EPS15: variants seen among roughly 807,000 people sequenced by gnomAD.
The protein encoded by EPS15 is epidermal growth factor receptor substrate 15.
A neutral mutation model predicts 113.8 loss-of-function variants in EPS15; 72 were observed. The ratio of observed to expected loss-of-function variants is 0.63; its 90% confidence interval spans 0.52 to 0.77. The LOEUF is 0.77. EPS15 is among the 30% of genes least tolerant of loss of function. EPS15 has a pLI of 0.00. For missense variants in EPS15, 1,048 were observed against 1,045.8 expected (o/e 1.00, Z -0.03); for synonymous variants, 344 against 363.4 (o/e 0.95, Z 0.61).
intron 12 of EPS15, among the ~76,000 whole-genome samples, chr1:51,426,166 C>T (rs1014845444): frequency 4.6e-5 from 7 of 151,826 alleles, no homozygotes; most frequent in African/African-American, 1.7e-4. Context: ...CTGACCGACT[C>T]TCTCTCCTTC....
intron 13 of EPS15, among the ~76,000 whole-genome samples, chr1:51,421,467 G>A (rs146827818): frequency 5.3e-5 from 8 of 152,036 alleles, no homozygotes; most frequent in African/African-American, 1.4e-4. Flanking sequence ...TAATTTTACT[G>A]GTGCAAAAAT....
intron 21 of EPS15, among the ~76,000 whole-genome samples, chr1:51,375,223 A>C (rs1211203228): frequency 1.3e-5 from 2 of 150,530 alleles, no homozygotes; most frequent in African/African-American, 2.4e-5. Context: ...GGATGGTCTC[A>C]ATCTCCTGAC....
At chr1:51,434,765 G>A (rs1222934371) in intron 12 of EPS15, among the ~76,000 whole-genome samples, 2 of 152,112 alleles carry the variant, frequency 1.3e-5, no homozygotes, top group South Asian at 2.1e-4. Flanking sequence ...TCCACCTCCC[G>A]GGTTCAAGCG....
chr1:51,386,168 C>A (rs941785000), intron 21 of EPS15, among the ~76,000 whole-genome samples: 5 of 152,110 alleles, frequency 3.3e-5, no homozygotes, highest in Admixed American at 2.6e-4. Context: ...CAATAACATA[C>A]GCCCAGGCAT....
chr1:51,482,483 G>A (rs1206436100), intron 1 of EPS15, among the ~76,000 whole-genome samples: 1 of 152,088 alleles, frequency 6.6e-6, no homozygotes, highest in Non-Finnish European at 1.5e-5. Context: ...CCATTGTAGA[G>A]TAAAAAAAAA....
chr1:51,478,968 G>T (rs1643968655), intron 2 of EPS15, among the ~76,000 whole-genome samples: 1 of 152,060 alleles, frequency 6.6e-6, no homozygotes, highest in Non-Finnish European at 1.5e-5. Context: ...TATCTTTGTG[G>T]CATTCTCTAT....
Position 51,402,477 on chromosome 1 carries a change from C to A in EPS15, c.1840G>T (p.Asp614Tyr). The A allele has an allele frequency of 6.3e-7, 1 of 1,591,716 alleles. No homozygotes were observed. The highest frequency in any genetic ancestry group is 2.3e-5 in the East Asian group (1 of 44,280). ...DSSSLTGPVA[D>Y]TNLDFFQSDP... is the part of the protein sequence containing the mutation. ...GACTGGAAAAAATCCAAGTTTGTATCTGCAACTGGACCTGTCAGCGAACTT... is the reference window on the plus strand; with the variant it reads ...GACTGGAAAAAATCCAAGTTTGTATATGCAACTGGACCTGTCAGCGAACTT... Residue 614 changes from aspartate (D) to tyrosine (Y), a missense_variant, in exon 18 of 25, where the codon GAT becomes TAT. Coordinates refer to ENST00000371733, the MANE Select transcript of EPS15 (RefSeq NM_001981.3).
At chr1:51,461,854 G>A (rs955687603) in intron 7 of EPS15, 3 of 152,166 alleles carry the variant, frequency 2.0e-5, no homozygotes, top group African/African-American at 7.2e-5. Flanking sequence ...CATCATAGCA[G>A]CTAGCATTCA....
chr1:51,449,386 A>G (rs1653343247), intron 8 of EPS15, among the ~76,000 whole-genome samples: 1 of 152,184 alleles, frequency 6.6e-6, no homozygotes, highest in Non-Finnish European at 1.5e-5. Context: ...GGAGCTAAAC[A>G]TGGAGTAAAT....
intron 1 of EPS15, among the ~76,000 whole-genome samples, chr1:51,508,248 AAGAGAGAGAG>A (rs151142424): frequency 3.8e-4 from 39 of 103,940 alleles, no homozygotes; most frequent in Middle Eastern, 8.6e-3. Context: ...GAAAGAGAGA[AAGAGAGAGAG>A]AGAGAGAGAG....
chr1:51,424,025 C>T (rs1469481495), intron 12 of EPS15, among the ~76,000 whole-genome samples: 1 of 152,086 alleles, frequency 6.6e-6, no homozygotes, highest in East Asian at 1.9e-4. Context: ...GATCTTTAGG[C>T]ATTAATTCCT....
intron 8 of EPS15, among the ~76,000 whole-genome samples, chr1:51,451,053 T>A (rs1653503186): frequency 6.6e-6 from 1 of 151,786 alleles, no homozygotes; most frequent in South Asian, 2.1e-4. Context: ...AAAAAAAGAA[T>A]CATGGAGCTC....
intron 11 of EPS15, among the ~76,000 whole-genome samples, chr1:51,444,458 T>C (rs1274248142): frequency 6.6e-6 from 1 of 152,224 alleles, no homozygotes; most frequent in Non-Finnish European, 1.5e-5. Context: ...TTGGAGGCTT[T>C]TTTGATGTAA....
At chr1:51,427,249 G>T (rs932147863) in intron 12 of EPS15, among the ~76,000 whole-genome samples, 2 of 152,040 alleles carry the variant, frequency 1.3e-5, no homozygotes, top group African/African-American at 4.8e-5. Flanking sequence ...ACCATATATG[G>T]GATTGCTATG....
At chr1:51,508,670 T>C (rs555119827) in intron 1 of EPS15, among the ~76,000 whole-genome samples, 1 of 152,250 alleles carries the variant, frequency 6.6e-6, no homozygotes, top group African/African-American at 2.4e-5. Flanking sequence ...AAAATATATA[T>C]ATAAAATATT....
At chr1:51,376,984 G>A (rs1646815027) in intron 21 of EPS15, among the ~76,000 whole-genome samples, 1 of 152,088 alleles carries the variant, frequency 6.6e-6, no homozygotes, top group South Asian at 2.1e-4. Flanking sequence ...ATGTGACTCA[G>A]GCCGGGTGTA....
chr1:51,357,429 T>A lies in EPS15; in HGVS notation c.2545-583A>T, dbSNP rs1325709353. ...ATATATATATATATATATATATATT[T>A]TTTTTTTTTAAATGTGATATATATA... On this transcript the variant is annotated intron_variant, in intron 24 of 24. Transcript: ENST00000371733. Among the ~76,000 whole-genome samples the A allele has an allele frequency of 5.6e-3, 560 of 99,900 alleles. 4 individuals carry two copies. The highest frequency in any genetic ancestry group is 0.01 in the African/African-American group (213 of 21,210). The allele number at this position is 99,900 out of a possible 152,430, so 65.5% of individuals were successfully genotyped here. A position where few individuals can be genotyped will look rare whatever the true frequency, so the allele number is the denominator to read the frequency against.
At chr1:51,446,082 C>T (rs1329679165) in intron 10 of EPS15, among the ~76,000 whole-genome samples, 1 of 152,184 alleles carries the variant, frequency 6.6e-6, no homozygotes, top group African/African-American at 2.4e-5. Flanking sequence ...TTCTAAGTTT[C>T]TCTTTACAAC....
chr1:51,372,311 G>C, intron 21 of EPS15: 1 of 522,358 alleles, frequency 1.9e-6, no homozygotes, highest in Admixed American at 2.0e-5. Context: ...TTCCGGTGCT[G>C]CTCAGTGTGG....
Sources: allele counts gnomAD v4.1 joint callset (sites outside exome capture counted in the v4.1 genomes callset), GRCh38; gene constraint gnomAD v4.1.1; transcripts MANE v1.5; gene names NCBI Gene and HGNC (gene_info 2026-07-23, HGNC 2026-07-21).